The following MACROD2 variants were observed in gnomAD, a reference collection of about 807,000 sequenced individuals.
The protein encoded by MACROD2 is mono-ADP ribosylhydrolase 2.
MACROD2 carries 36 observed loss-of-function variants against 70.4 expected under a neutral mutation model. That is an observed-to-expected ratio of 0.51 (90% confidence interval 0.39 to 0.68). The LOEUF (loss-of-function observed/expected upper bound fraction) is 0.68, where lower values mean the gene tolerates loss of function less well. Among genes scored for constraint, MACROD2 ranks in the 30% least tolerant of loss-of-function variants. The pLI, the probability that MACROD2 is intolerant of heterozygous loss-of-function variation, is 0.00. For synonymous variants in MACROD2, 172 were observed against 178.8 expected, an observed-to-expected ratio of 0.96 and a Z score of 0.30; for missense variants, 496 against 538.4, an observed-to-expected ratio of 0.92 and a Z score of 0.78.
At chr20:14,511,033 G>A (rs1249312465) in intron 4 of MACROD2, among the ~76,000 whole-genome samples, 2 of 151,972 alleles carry the variant, frequency 1.3e-5, no homozygotes, top group Admixed American at 6.6e-5. Flanking sequence ...TTACTTATGT[G>A]ATTGCTCTAT....
chr20:14,704,345 C>T (rs1010466865), intron 5 of MACROD2, among the ~76,000 whole-genome samples: 14 of 151,910 alleles, frequency 9.2e-5, no homozygotes, highest in African/African-American at 2.4e-4. Flanking sequence ...CTTTTCCTAC[C>T]GTGTAAATAG....
At chr20:15,978,582 GTCTCTCTCTC>G (rs59205516) in intron 13 of MACROD2, among the ~76,000 whole-genome samples, 31 of 146,416 alleles carry the variant, frequency 2.1e-4, no homozygotes, top group Non-Finnish European at 3.0e-4. Flanking sequence ...CTGACCTTGG[GTCTCTCTCTC>G]TCTCTCTCTC....
At chr20:14,092,312 G>A (rs2054161098) in intron 3 of MACROD2, among the ~76,000 whole-genome samples, 1 of 152,028 alleles carries the variant, frequency 6.6e-6, no homozygotes, top group Non-Finnish European at 1.5e-5. Flanking sequence ...TCTTTTTGGT[G>A]AAATATCAGT....
At chr20:14,496,237 A>T (rs2084851765) in intron 4 of MACROD2, among the ~76,000 whole-genome samples, 1 of 152,184 alleles carries the variant, frequency 6.6e-6, no homozygotes, top group South Asian at 2.1e-4. Context: ...AGGTCCATCA[A>T]GAGAATAATT....
At chr20:14,784,822 T>C (rs1325355110) in intron 5 of MACROD2, among the ~76,000 whole-genome samples, 1 of 151,936 alleles carries the variant, frequency 6.6e-6, no homozygotes, top group African/African-American at 2.4e-5. Flanking sequence ...CTTGGAGCAG[T>C]AGATGTAACA....
At chr20:14,085,813 GA>G (rs1404276343) in intron 3 of MACROD2, 85 bp downstream of exon 3, 5 of 738,446 alleles carry the variant, frequency 6.8e-6, no homozygotes, top group African/African-American at 3.7e-5. Flanking sequence ...AAGTATTTTA[GA>G]AAAAAATGCT....
chr20:14,233,115 G>A (rs1047753414), intron 3 of MACROD2, among the ~76,000 whole-genome samples: 1 of 152,142 alleles, frequency 6.6e-6, no homozygotes, highest in African/African-American at 2.4e-5. Flanking sequence ...TTATATGGGT[G>A]TGGTTCATGG....
At chr20:15,753,850 C>CA in intron 8 of MACROD2, among the ~76,000 whole-genome samples, 1 of 152,166 alleles carries the variant, frequency 6.6e-6, no homozygotes, top group Non-Finnish European at 1.5e-5. Flanking sequence ...TTTTGATTTG[C>CA]ATGGCTCACA....
chr20:15,373,207 A>G (rs1414134587), intron 6 of MACROD2, among the ~76,000 whole-genome samples: 3 of 152,084 alleles, frequency 2.0e-5, no homozygotes. Context: ...TAAATGTACA[A>G]CGCTATTTCT....
intron 9 of MACROD2, among the ~76,000 whole-genome samples, chr20:15,877,813 C>T (rs537976647): frequency 2.0e-5 from 3 of 152,178 alleles, no homozygotes; most frequent in East Asian, 3.9e-4. Context: ...AGAAATTAAG[C>T]TCTAAGGAAG....
chr20:15,606,004 C>G (rs2146698339), intron 8 of MACROD2, among the ~76,000 whole-genome samples: 1 of 152,286 alleles, frequency 6.6e-6, no homozygotes, highest in South Asian at 2.1e-4. Flanking sequence ...AATTTTACTT[C>G]CTAGATACTT....
chr20:14,113,001 T>C (rs748193154), intron 3 of MACROD2, among the ~76,000 whole-genome samples: 2 of 152,006 alleles, frequency 1.3e-5, no homozygotes, highest in African/African-American at 2.4e-5. Context: ...TTAAGAACAG[T>C]ATTCTTATTT....
At chr20:15,809,103 G>A (rs145532180) in intron 8 of MACROD2, among the ~76,000 whole-genome samples, 1 of 152,268 alleles carries the variant, frequency 6.6e-6, no homozygotes, top group African/African-American at 2.4e-5. Flanking sequence ...CTATGTAGCA[G>A]TCATCATGAT....
intron 6 of MACROD2, among the ~76,000 whole-genome samples, chr20:15,418,541 G>A (rs1024465788): frequency 6.6e-6 from 1 of 152,128 alleles, no homozygotes; most frequent in East Asian, 1.9e-4. Context: ...CTTTGTGATT[G>A]GTTGGTTGGT....
At chr20:15,694,321 C>T (rs2050337135) in intron 8 of MACROD2, among the ~76,000 whole-genome samples, 1 of 152,178 alleles carries the variant, frequency 6.6e-6, no homozygotes, top group African/African-American at 2.4e-5. Flanking sequence ...TGCTAGTTTA[C>T]ATTCTCACCA....
At chr20:14,215,679 T>G (rs1435056976) in intron 3 of MACROD2, among the ~76,000 whole-genome samples, 1 of 152,136 alleles carries the variant, frequency 6.6e-6, no homozygotes, top group Non-Finnish European at 1.5e-5. Flanking sequence ...ATCTACTGTT[T>G]TGTGATTTTT....
At chr20:15,157,350 CCCCCCCCCACCT>C (rs1235733845) in intron 5 of MACROD2, among the ~76,000 whole-genome samples, 871 of 7,694 alleles carry the variant, frequency 0.11, 62 homozygotes, top group African/African-American at 0.26. Context: ...TAATTAACCA[CCCCCCCCCACCT>C]CCCCCCCCCC....
At chr20:15,118,987 C>T (rs146472833) in intron 5 of MACROD2, among the ~76,000 whole-genome samples, 18 of 152,276 alleles carry the variant, frequency 1.2e-4, no homozygotes, top group Non-Finnish European at 2.6e-4. Context: ...CAATGTAAAA[C>T]AGGTTTGGCA....
At chr20:14,627,092 A>C (rs1984214795) in intron 4 of MACROD2, 1 of 152,208 alleles carries the variant, frequency 6.6e-6, no homozygotes. Flanking sequence ...ATCCTCGAGG[A>C]CCTGCTCCCA....
Sources: gnomAD v4.1 joint callset for allele counts (sites outside exome capture counted in the v4.1 genomes callset) on GRCh38, gnomAD v4.1.1 for gene constraint, MANE v1.5 for transcripts, NCBI Gene and HGNC (gene_info 2026-07-23, HGNC 2026-07-21) for gene names.